SPOCK3: variants seen among roughly 807,000 people sequenced by gnomAD.
SPOCK3 encodes testican-3.
SPOCK3 carries 30 observed loss-of-function variants against 56.6 expected under a neutral mutation model. The observed-to-expected ratio is 0.53, with a 90% CI of 0.40 to 0.72. The LOEUF is 0.72. SPOCK3 is among the 30% of genes least tolerant of loss of function. The pLI is 0.00. For missense variants in SPOCK3, 527 were observed against 530.0 expected, an observed-to-expected ratio of 0.99 and a Z score of 0.06; for synonymous variants, 196 against 183.3, an observed-to-expected ratio of 1.07 and a Z score of -0.56.
chr4:166,989,422 A>G (rs1747532615), intron 4 of SPOCK3, among the ~76,000 whole-genome samples: 1 of 152,160 alleles, frequency 6.6e-6, no homozygotes. Flanking sequence ...ATAACAGGCA[A>G]AATCCCTCTA....
chr4:166,930,165 G>C (rs1739577509), intron 4 of SPOCK3, among the ~76,000 whole-genome samples: 1 of 151,790 alleles, frequency 6.6e-6, no homozygotes. Context: ...TGTTTTGCTA[G>C]AAGCATAACT....
chr4:167,045,272 A>G (rs1384771687), intron 3 of SPOCK3, among the ~76,000 whole-genome samples: 3 of 151,988 alleles, frequency 2.0e-5, no homozygotes, highest in Non-Finnish European at 2.9e-5. Context: ...CTTTTAATCT[A>G]TACGTAGCTT....
chr4:166,847,069 A>C (rs902992260), intron 6 of SPOCK3, among the ~76,000 whole-genome samples: 4 of 152,142 alleles, frequency 2.6e-5, no homozygotes, highest in African/African-American at 9.7e-5. Context: ...CAAGAGATCT[A>C]TTAAAAAGAA....
At chr4:166,748,797 A>G (rs1735982245) in intron 8 of SPOCK3, among the ~76,000 whole-genome samples, 1 of 137,334 alleles carries the variant, frequency 7.3e-6, no homozygotes, top group Non-Finnish European at 1.5e-5. Flanking sequence ...TAAGAAAAAA[A>G]TCAAACAACC....
At chr4:166,962,818 T>C (rs964233158) in intron 4 of SPOCK3, among the ~76,000 whole-genome samples, 3 of 152,114 alleles carry the variant, frequency 2.0e-5, no homozygotes, top group Admixed American at 6.6e-5. Flanking sequence ...GGAAATAGCA[T>C]GGTGATGCAC....
intron 3 of SPOCK3, among the ~76,000 whole-genome samples, chr4:167,011,738 A>G (rs6553489): frequency 0.031 from 4,647 of 152,180 alleles, 255 homozygotes; most frequent in African/African-American, 0.11. Context: ...ACAAATAAAT[A>G]CATAAAAGAC....
intron 6 of SPOCK3, among the ~76,000 whole-genome samples, chr4:166,802,125 T>A (rs546292830): frequency 6.6e-6 from 1 of 152,092 alleles, no homozygotes; most frequent in South Asian, 2.1e-4. Context: ...CGAGAACACA[T>A]AAATTAGAGA....
chr4:167,002,700 T>A (rs1322416967), intron 3 of SPOCK3, among the ~76,000 whole-genome samples: 1 of 152,154 alleles, frequency 6.6e-6, no homozygotes, highest in Non-Finnish European at 1.5e-5. Flanking sequence ...GTTTGAATCA[T>A]CATTAGGTAA....
intron 4 of SPOCK3, among the ~76,000 whole-genome samples, chr4:166,935,920 T>C (rs1579708954): frequency 6.6e-6 from 1 of 152,202 alleles, no homozygotes; most frequent in Admixed American, 6.5e-5. Flanking sequence ...AAAATGATCA[T>C]GATGAATTAC....
At chr4:167,108,588 T>G (rs1270305539) in intron 2 of SPOCK3, among the ~76,000 whole-genome samples, 1 of 151,638 alleles carries the variant, frequency 6.6e-6, no homozygotes, top group Non-Finnish European at 1.5e-5. Context: ...CTCACTTATT[T>G]GTGGGAGATA....
chr4:166,928,708 C>G (rs1365451659), intron 4 of SPOCK3, among the ~76,000 whole-genome samples: 9 of 152,132 alleles, frequency 5.9e-5, no homozygotes, highest in African/African-American at 4.8e-5. Flanking sequence ...CGGTGGCTCA[C>G]GCCTGTAATC....
intron 4 of SPOCK3, among the ~76,000 whole-genome samples, chr4:166,979,704 A>AATTT (rs1746367229): frequency 6.6e-6 from 1 of 152,154 alleles, no homozygotes; most frequent in Middle Eastern, 3.4e-3. Context: ...CCTAACTCTA[A>AATTT]AGAGTTTGAA....
chr4:167,018,381 G>C (rs1750849367), intron 3 of SPOCK3, among the ~76,000 whole-genome samples: 2 of 151,978 alleles, frequency 1.3e-5, no homozygotes, highest in South Asian at 2.1e-4. Flanking sequence ...CTCTCCACCT[G>C]GGGTCCTACT....
At chr4:166,779,302 T>C (rs1238177401) in intron 7 of SPOCK3, among the ~76,000 whole-genome samples, 1 of 152,038 alleles carries the variant, frequency 6.6e-6, no homozygotes, top group Non-Finnish European at 1.5e-5. Flanking sequence ...AAAGTAAAGA[T>C]AATCAATTAA....
chr4:166,889,100 T>C, intron 6 of SPOCK3, 30 bp downstream of exon 6: 1 of 1,329,582 alleles, frequency 7.5e-7, no homozygotes, highest in Non-Finnish European at 1.1e-6. Context: ...GTGATGAATG[T>C]AAAATTATAA....
intron 7 of SPOCK3, among the ~76,000 whole-genome samples, chr4:166,769,237 C>T (rs6844868): frequency 0.46 from 69,802 of 151,974 alleles, 16,551 homozygotes; most frequent in African/African-American, 0.51. Flanking sequence ...GGAGGAGCTG[C>T]GTTCCTTTGG....
intron 2 of SPOCK3, among the ~76,000 whole-genome samples, chr4:167,160,015 A>C (rs559608929): frequency 6.6e-6 from 1 of 152,282 alleles, no homozygotes; most frequent in South Asian, 2.1e-4. Flanking sequence ...ACTCCTATTC[A>C]ACATATTGTT....
intron 6 of SPOCK3, among the ~76,000 whole-genome samples, chr4:166,801,440 A>G (rs1742585462): frequency 6.6e-6 from 1 of 152,028 alleles, no homozygotes; most frequent in African/African-American, 2.4e-5. Context: ...ATATCATAAC[A>G]TGTTAAAAAT....
intron 4 of SPOCK3, among the ~76,000 whole-genome samples, chr4:166,936,732 C>T (rs1268257027): frequency 6.6e-6 from 1 of 151,742 alleles, no homozygotes; most frequent in African/African-American, 2.4e-5. Context: ...TTCTTATTTC[C>T]TTATTTCTAC....
Sources: allele counts gnomAD v4.1 joint callset (sites outside exome capture counted in the v4.1 genomes callset), GRCh38; gene constraint gnomAD v4.1.1; transcripts MANE v1.5; gene names NCBI Gene and HGNC (gene_info 2026-07-23, HGNC 2026-07-21).